Variants in DENND2A observed in about 807,000 individuals in gnomAD.
DENND2A encodes DENN domain-containing protein 2A.
In DENND2A, 53 loss-of-function variants were observed where a neutral mutation model predicts 105.3. That is an observed-to-expected ratio of 0.50 (90% CI 0.40 to 0.63). The LOEUF (loss-of-function observed/expected upper bound fraction) is 0.63. Ranked by LOEUF, DENND2A falls within the 30% of genes least tolerant of loss-of-function variation. The pLI, the probability that DENND2A is intolerant of heterozygous loss-of-function variation, is 0.00. For synonymous variants in DENND2A, 522 were observed against 508.4 expected (o/e 1.03, Z -0.36); for missense variants, 1,138 against 1,279.6 (o/e 0.89, Z 1.69).
intron 14 of DENND2A, among the ~76,000 whole-genome samples, chr7:140,542,506 C>T (rs868692976): frequency 1.3e-5 from 2 of 152,056 alleles, no homozygotes; most frequent in Non-Finnish European, 2.9e-5. Flanking sequence ...CTCTCCCTCC[C>T]CCATCTTCCT....
rs1390510004 is a variant in DENND2A at position 140,602,276 on chromosome 7, T to A, written c.122A>T (p.His41Leu). 1 of 1,611,520 alleles carries A rather than the reference T, an allele frequency of 6.2e-7. No homozygotes were observed. Among genetic ancestry groups the A allele is most frequent in the Non-Finnish European group, 8.5e-7 (1 of 1,180,022 alleles). ...CTTGTCCTTTATGTTGAGGGACTTG[T>A]GCCGGGGTCTGGCTCTGGCAGATGG... The part of the protein sequence containing the change: ...PCPSARARPR[H>L]KSLNIKDKIS... Residue 41 changes from histidine (H) to leucine (L), a missense_variant, in exon 3 of 20, where the codon CAC (histidine) becomes CTC (leucine). Physicochemically the swap from His to Leu is moderately conservative, Grantham distance 99. This residue lies in a region of DENND2A where 511 missense variants were observed against 499.9 expected (regional missense o/e 1.02). Transcript: ENST00000496613.
At chr7:140,598,967 A>G (rs1799383865) in intron 3 of DENND2A, among the ~76,000 whole-genome samples, 1 of 152,164 alleles carries the variant, frequency 6.6e-6, no homozygotes, top group Non-Finnish European at 1.5e-5. Context: ...ATGATGTTAT[A>G]TATAGGAAGT....
rs373546249 is a variant in DENND2A at position 140,585,582 on chromosome 7, C to T, written c.1245+7G>A. ...CTCTCCTGCCACCATTCCCAGGGGACTCATACCTTGGTGAGTGTGTCAGGG... is the reference window on the plus strand; with the variant it reads ...CTCTCCTGCCACCATTCCCAGGGGATTCATACCTTGGTGAGTGTGTCAGGG... On this transcript the variant is annotated splice_region_variant and intron_variant, in intron 5 of 19. Transcript: ENST00000496613. 74 of 1,613,908 alleles carry T rather than the reference C, an allele frequency of 4.6e-5. 1 individual carries two copies. The highest frequency in any genetic ancestry group is 6.0e-5 in the Non-Finnish European group (71 of 1,179,990).
chr7:140,535,658 G>T (rs113046790), intron 14 of DENND2A, among the ~76,000 whole-genome samples: 9,738 of 151,478 alleles, frequency 0.064, 1,022 homozygotes, highest in African/African-American at 0.22. Context: ...CTCAGCTCAC[G>T]GCAACCTCTG....
chr7:140,558,009 T>C, intron 11 of DENND2A, 134 bp downstream of exon 11: 14 of 648,766 alleles, frequency 2.2e-5, no homozygotes, highest in Admixed American at 3.0e-5. Context: ...CACCTGCCAC[T>C]CCCCCTGCTC....
At chr7:140,601,298 G>A in intron 3 of DENND2A, 105 bp downstream of exon 3, 4 of 1,445,956 alleles carry the variant, frequency 2.8e-6, no homozygotes, top group Non-Finnish European at 3.7e-6. Context: ...AGATCCATCA[G>A]TTTAATAAAA....
chr7:140,574,487 A>G (rs183712412), intron 5 of DENND2A, among the ~76,000 whole-genome samples: 3 of 152,108 alleles, frequency 2.0e-5, no homozygotes, highest in Admixed American at 1.3e-4. Flanking sequence ...CCAAAGTGCT[A>G]GGATTACAGG....
At chr7:140,607,423 C>CTG (rs142708944) in intron 1 of DENND2A, among the ~76,000 whole-genome samples, 3,078 of 152,090 alleles carry the variant, frequency 0.02, 102 homozygotes, top group African/African-American at 0.07. Flanking sequence ...CATCTGCCAA[C>CTG]TGTGTGTGTG....
At chr7:140,608,975 G>T (rs1221819452) in intron 1 of DENND2A, among the ~76,000 whole-genome samples, 1 of 152,116 alleles carries the variant, frequency 6.6e-6, no homozygotes, top group Non-Finnish European at 1.5e-5. Context: ...GGTCGCAGAG[G>T]CCAATGTCCT....
chr7:140,636,531 C>T (rs979137130), intron 1 of DENND2A, among the ~76,000 whole-genome samples: 3 of 152,118 alleles, frequency 2.0e-5, no homozygotes, highest in African/African-American at 4.8e-5. Flanking sequence ...TCTGAGTTTC[C>T]GTCCCGCCCT....
intron 1 of DENND2A, among the ~76,000 whole-genome samples, chr7:140,637,286 G>T (rs1800981205): frequency 6.6e-6 from 1 of 152,204 alleles, no homozygotes; most frequent in Non-Finnish European, 1.5e-5. Flanking sequence ...GATTGGAGGG[G>T]TAGAATCCCA....
chr7:140,619,094 G>A (rs774487895), intron 1 of DENND2A, among the ~76,000 whole-genome samples: 3 of 152,002 alleles, frequency 2.0e-5, no homozygotes, highest in East Asian at 1.9e-4. Context: ...CACCGCGCCC[G>A]GCCTGATTAT....
chr7:140,595,040 C>G (rs1799226764), intron 3 of DENND2A, among the ~76,000 whole-genome samples: 3 of 151,828 alleles, frequency 2.0e-5, no homozygotes, highest in South Asian at 4.2e-4. Flanking sequence ...TGGAGTCTTG[C>G]TCTGTGCCCA....
In DENND2A at chr7:140,545,669, T is replaced by G. The variant is rs547984573; in HGVS notation, c.2179-903A>C. 6.6e-5 allele frequency among the ~76,000 whole-genome samples: 10 copies of G among 152,316 alleles called. 3 individuals are homozygous for G. Among genetic ancestry groups the G allele is most frequent in the African/African-American group, 2.4e-4 (10 of 41,566 alleles). On this transcript the variant is annotated intron_variant, in intron 13 of 19. Transcript: ENST00000496613. ...GGTGTGAGCCACCGTGTACCCAGCC[T>G]GTGTGTATATCTTCTTATTCTGCAC...
At chr7:140,557,531 A>ATATATATATATATATATATGTT (rs1554467351) in intron 11 of DENND2A, among the ~76,000 whole-genome samples, 1 of 39,660 alleles carries the variant, frequency 2.5e-5, no homozygotes, top group Admixed American at 3.9e-4. Flanking sequence ...ATATATATAT[A>ATATATATATATATATATATGTT]TTTTTTTTTT....
intron 1 of DENND2A, among the ~76,000 whole-genome samples, chr7:140,615,614 T>C (rs1420451121): frequency 1.3e-5 from 2 of 151,754 alleles, no homozygotes; most frequent in Non-Finnish European, 2.9e-5. Context: ...CTTGGCTGAC[T>C]GCAGTCTCAA....
At chr7:140,626,436 T>C (rs549799025) in intron 1 of DENND2A, among the ~76,000 whole-genome samples, 1 of 152,296 alleles carries the variant, frequency 6.6e-6, no homozygotes, top group East Asian at 1.9e-4. Context: ...CCCGGTGTGA[T>C]CTGTCCTGGT....
At chr7:140,574,976 C>T (rs1860840) in intron 5 of DENND2A, among the ~76,000 whole-genome samples, 70,993 of 151,872 alleles carry the variant, frequency 0.47, 17,502 homozygotes, top group African/African-American at 0.62. Context: ...GCTGAGATCA[C>T]GCCACTGCAC....
At chr7:140,596,392 A>G (rs1479869006) in intron 3 of DENND2A, among the ~76,000 whole-genome samples, 1 of 152,206 alleles carries the variant, frequency 6.6e-6, no homozygotes, top group Admixed American at 6.5e-5. Context: ...AGACGTGGTA[A>G]TTCCGAGTTG....
Sources: allele counts gnomAD v4.1 joint callset (sites outside exome capture counted in the v4.1 genomes callset), GRCh38; gene constraint gnomAD v4.1.1; regional missense constraint gnomAD v4.1.1; transcripts MANE v1.5; gene names NCBI Gene and HGNC (gene_info 2026-07-23, HGNC 2026-07-21).